Variants in CADM2 observed in about 807,000 individuals in gnomAD.
CADM2 encodes immunoglobulin superfamily member 4D.
In CADM2, 12 loss-of-function variants were observed where a neutral mutation model predicts 49.8. The observed-to-expected ratio is 0.24, with a 90% CI of 0.15 to 0.39. The LOEUF is 0.39. CADM2 is among the 10% of genes least tolerant of loss of function. The pLI is 1.00. For missense variants in CADM2, 378 were observed against 492.3 expected (o/e 0.77, Z 2.20); for synonymous variants, 214 against 175.4 (o/e 1.22, Z -1.74).
At chr3:85,219,785 A>G (rs1209693595) in intron 1 of CADM2, among the ~76,000 whole-genome samples, 1 of 152,150 alleles carries the variant, frequency 6.6e-6, no homozygotes, top group Non-Finnish European at 1.5e-5. Flanking sequence ...TGAAAAAAAC[A>G]TTGTTCACTT....
At chr3:86,036,778 A>G (rs1033864468) in intron 8 of CADM2, among the ~76,000 whole-genome samples, 2 of 152,192 alleles carry the variant, frequency 1.3e-5, no homozygotes, top group South Asian at 4.1e-4. Flanking sequence ...AAGTCACTTT[A>G]TGTGATATAT....
intron 8 of CADM2, among the ~76,000 whole-genome samples, chr3:86,028,948 A>C (rs2107131720): frequency 6.6e-6 from 1 of 152,308 alleles, no homozygotes; most frequent in East Asian, 1.9e-4. Context: ...GGGATTAATA[A>C]AGTAATTATA....
Position 85,433,214 on chromosome 3 carries a change from G to T in CADM2, c.62-293308G>T, listed in dbSNP as rs889699062. Reference sequence around the variant, plus strand: ...ATAGAATATGACATTAAAATAACTAGCTATCCTTTGAAGTCCAAATTTAGC... The same window carrying T: ...ATAGAATATGACATTAAAATAACTATCTATCCTTTGAAGTCCAAATTTAGC... On this transcript the variant is annotated intron_variant, in intron 1 of 9. Transcript: ENST00000383699. Among the ~76,000 whole-genome samples the T allele has an allele frequency of 3.3e-5, 5 of 151,704 alleles. No individual in the cohort carries two copies. The East Asian group carries it at 9.7e-4, about 29-fold the overall frequency.
intron 2 of CADM2, among the ~76,000 whole-genome samples, chr3:85,788,378 G>T (rs2071126489): frequency 6.6e-6 from 1 of 151,914 alleles, no homozygotes; most frequent in Non-Finnish European, 1.5e-5. Context: ...ATGCCATTTT[G>T]AAATTTCTTA....
chr3:85,447,038 T>C (rs2037501449), intron 1 of CADM2, among the ~76,000 whole-genome samples: 1 of 136,238 alleles, frequency 7.3e-6, no homozygotes, highest in African/African-American at 2.7e-5. Flanking sequence ...ATATGCTTAG[T>C]ATATATTGAA....
intron 1 of CADM2, among the ~76,000 whole-genome samples, chr3:85,262,838 G>A (rs184279405): frequency 5.9e-5 from 9 of 152,208 alleles, no homozygotes; most frequent in Admixed American, 2.6e-4. Flanking sequence ...TTCACAATGT[G>A]AGGATAAAAT....
intron 7 of CADM2, among the ~76,000 whole-genome samples, chr3:85,955,677 T>A (rs73843524): frequency 0.062 from 9,443 of 151,534 alleles, 785 homozygotes; most frequent in African/African-American, 0.19. Flanking sequence ...TGTATCTGGT[T>A]CAAAATATTA....
intron 1 of CADM2, among the ~76,000 whole-genome samples, chr3:85,632,994 G>A (rs1305278403): frequency 1.3e-5 from 2 of 151,856 alleles, no homozygotes; most frequent in East Asian, 1.9e-4. Flanking sequence ...TTCATATCAC[G>A]ATGCTTAGAA....
intron 2 of CADM2, among the ~76,000 whole-genome samples, chr3:85,749,701 A>T (rs962879945): frequency 1.3e-5 from 2 of 152,014 alleles, no homozygotes; most frequent in Non-Finnish European, 2.9e-5. Flanking sequence ...CATGACAATC[A>T]CTAAGCCCAG....
intron 8 of CADM2, among the ~76,000 whole-genome samples, chr3:86,009,957 C>T (rs1177248262): frequency 2.0e-5 from 3 of 151,476 alleles, no homozygotes; most frequent in Non-Finnish European, 4.4e-5. Context: ...TAGGTAGTAC[C>T]CTAAATGACG....
rs1425747820 is a variant in CADM2, at chr3:86,060,988, A to G, written c.971-4617A>G. Among the ~76,000 whole-genome samples the G allele has an allele frequency of 8.0e-5, 12 of 150,588 alleles. No homozygotes were observed. The East Asian group carries it at 2.1e-3, about 27-fold the overall frequency. On this transcript the variant is annotated intron_variant, in intron 8 of 9. Transcript: ENST00000383699. ...CAGAGCAAGGCTATGTCTCAATAAT[A>G]ATAATAATAATAATAATAATAACAG... is the stretch of plus-strand genomic sequence containing the variant.
At chr3:85,728,796 T>C (rs538415863) in intron 2 of CADM2, among the ~76,000 whole-genome samples, 4 of 152,186 alleles carry the variant, frequency 2.6e-5, no homozygotes, top group Non-Finnish European at 5.9e-5. Flanking sequence ...AACCATAAAC[T>C]GGTCATTTTG....
intron 1 of CADM2, among the ~76,000 whole-genome samples, chr3:85,134,959 A>T (rs917234818): frequency 7.2e-5 from 11 of 152,024 alleles, no homozygotes; most frequent in Admixed American, 7.2e-4. Context: ...TTTGAATAAC[A>T]TGGAATGGAT....
At chr3:85,482,412 AT>A (rs1217515482) in intron 1 of CADM2, among the ~76,000 whole-genome samples, 1 of 151,732 alleles carries the variant, frequency 6.6e-6, no homozygotes, top group Admixed American at 6.6e-5. Context: ...AATTAAAGCC[AT>A]TTTTTAGTTT....
intron 1 of CADM2, among the ~76,000 whole-genome samples, chr3:85,239,192 T>C (rs2042475159): frequency 6.6e-6 from 1 of 151,874 alleles, no homozygotes; most frequent in South Asian, 2.1e-4. Flanking sequence ...TTTTTCTAAT[T>C]CTTAGTTATT....
At position 85,096,961 on chromosome 3, in the gene CADM2, T is replaced by C. The variant is rs80177399; in HGVS notation, c.61+137293T>C. Among the ~76,000 whole-genome samples, 191 of 152,294 alleles carry C rather than the reference T, an allele frequency of 1.3e-3. 2 individuals are homozygous for C. Among genetic ancestry groups the C allele is most frequent in the African/African-American group, 4.4e-3 (181 of 41,578 alleles). ...ATAGGAAAGATGTTGGAAATGCTAGTAGTGTGCCAGTATCTTTGTATAGAG... is the reference window on the plus strand; with the variant it reads ...ATAGGAAAGATGTTGGAAATGCTAGCAGTGTGCCAGTATCTTTGTATAGAG... On this transcript the variant is annotated intron_variant, in intron 1 of 9. Coordinates refer to ENST00000383699, the MANE Select transcript of CADM2 (RefSeq NM_001167675.2).
At chr3:86,040,042 C>A (rs1735667909) in intron 8 of CADM2, among the ~76,000 whole-genome samples, 1 of 152,128 alleles carries the variant, frequency 6.6e-6, no homozygotes, top group Non-Finnish European at 1.5e-5. Flanking sequence ...AGAAGGAAAA[C>A]TAACAAACAG....
rs1453555180 is a variant in CADM2, at chr3:86,068,974, T to C, written c.*2191T>C. On this transcript the variant is annotated 3_prime_UTR_variant, in exon 10 of 10. Coordinates refer to ENST00000383699, the MANE Select transcript of CADM2 (RefSeq NM_001167675.2). ...TAAACTGTTCATATCTTTCAATGCA[T>C]AATCTTTAGAAAGACTCCACAAAGC... The C allele has an allele frequency of 6.6e-6, 1 of 151,996 alleles. No homozygotes were observed. The highest frequency in any genetic ancestry group is 2.4e-5 in the African/African-American group (1 of 41,440). The allele number at this position is 151,996 out of a possible 1,614,324, so 9.4% of individuals were successfully genotyped here.
chr3:85,461,806 A>G (rs1045481039), intron 1 of CADM2, among the ~76,000 whole-genome samples: 4 of 152,220 alleles, frequency 2.6e-5, no homozygotes, highest in African/African-American at 9.6e-5. Flanking sequence ...CAGTTGTCCT[A>G]TCATCTATTG....
Sources: allele counts gnomAD v4.1 joint callset (sites outside exome capture counted in the v4.1 genomes callset), GRCh38; gene constraint gnomAD v4.1.1; transcripts MANE v1.5; gene names NCBI Gene and HGNC (gene_info 2026-07-23, HGNC 2026-07-21).